PRAMEF12: variants seen among roughly 807,000 people sequenced by gnomAD.
The protein encoded by PRAMEF12 is PRAME family member 12.
In PRAMEF12, 24 loss-of-function variants were observed where a neutral mutation model predicts 24.6. That is an observed-to-expected ratio of 0.98 (90% CI 0.71 to 1.37). PRAMEF12 has a LOEUF of 1.37. Ranked by LOEUF, PRAMEF12 falls within the 40% of genes most tolerant of loss-of-function variation. PRAMEF12 has a pLI of 0.00. For missense variants in PRAMEF12, 646 were observed against 580.3 expected (o/e 1.11, Z -1.16); for synonymous variants, 286 against 242.6 (o/e 1.18, Z -1.66).
chr1:12,775,352 G>A (rs1639033283), intron 1 of PRAMEF12, among the ~76,000 whole-genome samples, 191 bp from the exon 2 acceptor site: 1 of 152,196 alleles, frequency 6.6e-6, no homozygotes, highest in Non-Finnish European at 1.5e-5. Context: ...GAAGGATCAG[G>A]AACCTGCCTC....
Position 12,775,963 on chromosome 1 carries a change from T to A in PRAMEF12, c.708T>A (p.Val236=), listed in dbSNP as rs1639046141. The stretch of plus-strand genomic sequence containing the variant: ...AGATGAGGAATCTCCGCAAACTTGT[T>A]CTCTTCAACATCCATGTCTCTGCCT... The part of the protein sequence containing the change: ...LGQMRNLRKL[V]LFNIHVSACI... Residue 236 remains valine, a synonymous_variant, in exon 2 of 3, where the codon GTT becomes GTA. Coordinates refer to ENST00000357726, the MANE Select transcript of PRAMEF12 (RefSeq NM_001080830.5). 3.7e-6 allele frequency: 6 copies of A among 1,614,074 alleles called. No individual in the cohort carries two copies. The highest frequency in any genetic ancestry group is 5.1e-6 in the Non-Finnish European group (6 of 1,180,002).
chr1:12,776,852 C>T (rs1392189545), intron 2 of PRAMEF12, among the ~76,000 whole-genome samples, 159 bp from the exon 3 acceptor site: 1 of 152,168 alleles, frequency 6.6e-6, no homozygotes, highest in African/African-American at 2.4e-5. Context: ...GACTGAGCCT[C>T]GATTGGGTCT....
At position 12,774,922 on chromosome 1, in the gene PRAMEF12, A is replaced by G. The variant is rs1048711769; in HGVS notation, c.55A>G (p.Arg19Gly). The stretch of plus-strand genomic sequence containing the variant: ...GGAGCTGGCTGAGCAGAGTCTGCTG[A>G]GAGACCGGGCCTTGGCCATCCCCAC... ...LLELAEQSLL[R>G]DRALAIPTLE... is the part of the protein sequence containing the mutation. The change falls in exon 1 of 3, where the codon AGA (arginine) becomes GGA (glycine). Residue 19 changes from arginine to glycine, a missense_variant. Coordinates refer to ENST00000357726, the MANE Select transcript of PRAMEF12 (RefSeq NM_001080830.5). 1.4e-5 allele frequency: 22 copies of G among 1,613,782 alleles called. No individual in the cohort carries two copies. Among genetic ancestry groups the G allele is most frequent in the Non-Finnish European group, 1.9e-5 (22 of 1,179,926 alleles).
intron 2 of PRAMEF12, among the ~76,000 whole-genome samples, chr1:12,776,366 C>A (rs1453432650): frequency 6.6e-6 from 1 of 152,086 alleles, no homozygotes; most frequent in African/African-American, 2.4e-5. Context: ...GAAGGTACTG[C>A]AGGGTTTAGA....
intron 1 of PRAMEF12, 109 bp downstream of exon 1, chr1:12,775,263 G>T: frequency 7.8e-7 from 1 of 1,276,428 alleles, no homozygotes; most frequent in Admixed American, 2.3e-5. Flanking sequence ...TTCTGATGGG[G>T]CTGGGGAGGA....
Position 12,775,748 on chromosome 1 carries a change from T to A in PRAMEF12, c.493T>A (p.Phe165Ile). 1 of 1,613,672 alleles carries A rather than the reference T, an allele frequency of 6.2e-7. No individual in the cohort carries two copies. The highest frequency in any genetic ancestry group is 8.5e-7 in the Non-Finnish European group (1 of 1,179,950). The change falls in exon 2 of 3, where the codon TTC becomes ATC. Residue 165 changes from phenylalanine (F) to isoleucine (I), a missense_variant. Phe to Ile is a conservative substitution (Grantham distance 21). Coordinates refer to ENST00000357726, the MANE Select transcript of PRAMEF12 (RefSeq NM_001080830.5). ...GACGCTGGATGAATGCCTCACCCAC[T>A]TCTTAGAGTGGGGCAAGCAGAGAAA... Reference protein sequence around the residue: ...NGTLDECLTHFLEWGKQRKGL... With the variant: ...NGTLDECLTHILEWGKQRKGL...
chr1:12,774,907 G>A lies in PRAMEF12; in HGVS notation c.40G>A (p.Glu14Lys). ...CCCACCTAGACTCCTGGAGCTGGCT[G>A]AGCAGAGTCTGCTGAGAGACCGGGC... ...QAPPRLLELA[E>K]QSLLRDRALA... The change falls in exon 1 of 3, where the codon GAG becomes AAG. Residue 14 changes from glutamate (E) to lysine (K), a missense_variant. Transcript: ENST00000357726. 1.1e-5 allele frequency: 17 copies of A among 1,613,592 alleles called. No individual in the cohort carries two copies. Among genetic ancestry groups the A allele is most frequent in the Non-Finnish European group, 1.4e-5 (17 of 1,179,710 alleles).
In PRAMEF12 at chr1:12,774,445, C is replaced by G. The variant is rs1639019085; in HGVS notation, c.-423C>G. ...AATAATGGCGCTGATTCCAAGGAGT[C>G]CCTTTAGTCTTCTGCAAGCATGTCA... is the stretch of plus-strand genomic sequence containing the variant. On this transcript the variant is annotated 5_prime_UTR_variant, in exon 1 of 3. Transcript: ENST00000357726. Among the ~76,000 whole-genome samples the G allele has an allele frequency of 6.6e-6, 1 of 152,148 alleles. No individual in the cohort carries two copies. The highest frequency in any genetic ancestry group is 1.5e-5 in the Non-Finnish European group (1 of 68,018).
Position 12,777,470 on chromosome 1 carries a change from G to T in PRAMEF12, c.1323G>T (p.Arg441Ser). 6.2e-7 allele frequency: 1 copy of T among 1,614,106 alleles called. No individual in the cohort carries two copies. Among genetic ancestry groups the T allele is most frequent in the African/African-American group, 1.3e-5 (1 of 75,006 alleles). The change falls in exon 3 of 3, where the codon AGG becomes AGT. Residue 441 changes from arginine to serine, a missense_variant. Transcript: ENST00000357726. Reference protein sequence around the residue: ...QLGAELMKTLRDLRQPKIIVF... With the variant: ...QLGAELMKTLSDLRQPKIIVF... Reference sequence around the variant, plus strand: ...GGGCTGAGCTGATGAAGACACTGAGGGACTTAAGGCAGCCCAAGATAATTG... The same window carrying T: ...GGGCTGAGCTGATGAAGACACTGAGTGACTTAAGGCAGCCCAAGATAATTG...
At chr1:12,776,312 C>A (rs150143719) in intron 2 of PRAMEF12, among the ~76,000 whole-genome samples, 194 bp downstream of exon 2, 2 of 152,092 alleles carry the variant, frequency 1.3e-5, no homozygotes, top group African/African-American at 4.8e-5. Context: ...AATAAGCCAG[C>A]GGGATCTCCT....
chr1:12,775,300 C>T, intron 1 of PRAMEF12, 146 bp downstream of exon 1: 3 of 1,054,036 alleles, frequency 2.8e-6, no homozygotes, highest in Non-Finnish European at 4.2e-6. Flanking sequence ...GGCCATTGTC[C>T]AGCTCCTCTG....
At position 12,777,532 on chromosome 1, in the gene PRAMEF12, G is replaced by A. The variant is rs1424637044; in HGVS notation, c.1385G>A (p.Arg462Lys). The A allele has an allele frequency of 6.2e-7, 1 of 1,614,038 alleles. No individual in the cohort carries two copies. The highest frequency in any genetic ancestry group is 1.3e-5 in the African/African-American group (1 of 74,906). ...GTCCCCTGCCCTCGCTGTGGCATCA[G>A]GGCCTCCTATGACCTGGAGCCCAGT... ...STVPCPRCGIRASYDLEPSHC... is the reference protein window; with the variant it reads ...STVPCPRCGIKASYDLEPSHC... The change falls in exon 3 of 3, where the codon AGG becomes AAG. Residue 462 changes from arginine (R) to lysine (K), a missense_variant. Transcript: ENST00000357726.
intron 2 of PRAMEF12, among the ~76,000 whole-genome samples, chr1:12,776,717 TG>T (rs1281341746): frequency 6.6e-6 from 1 of 152,122 alleles, no homozygotes; most frequent in Non-Finnish European, 1.5e-5. Context: ...TGCCTGGGTT[TG>T]TCATTTATGC....
At chr1:12,776,960 C>G in intron 2 of PRAMEF12, 51 bp from the exon 3 acceptor site, 1 of 1,558,788 alleles carries the variant, frequency 6.4e-7, no homozygotes, top group African/African-American at 1.4e-5. Context: ...CATCTCTCAC[C>G]TTGAGGTCTT....
rs369283541 is a variant in PRAMEF12, at chr1:12,775,545, G to A, written c.290G>A (p.Arg97Gln). 56 of 1,606,320 alleles carry A rather than the reference G, an allele frequency of 3.5e-5. No homozygotes were observed. The highest frequency in any genetic ancestry group is 6.6e-5 in the South Asian group (6 of 90,516). The change falls in exon 2 of 3, where the codon CGG (arginine) becomes CAG (glutamine). Residue 97 changes from arginine (R) to glutamine (Q), a missense_variant and splice_region_variant. Coordinates refer to ENST00000357726, the MANE Select transcript of PRAMEF12 (RefSeq NM_001080830.5). Reference protein sequence around the residue: ...ALLAQKVRPRRWKLQVLDLRN... With the variant: ...ALLAQKVRPRQWKLQVLDLRN... ...CCTCTCTTCTCTTTTACCCACAGGC[G>A]GTGGAAACTTCAAGTGTTGGACTTG...
intron 2 of PRAMEF12, 64 bp downstream of exon 2, chr1:12,776,182 A>G: frequency 6.6e-7 from 1 of 1,506,704 alleles, no homozygotes; most frequent in Non-Finnish European, 9.2e-7. Context: ...TACTGTAAAC[A>G]CCAGGGGGTA....
In PRAMEF12 at chr1:12,777,819, A is replaced by G. The variant is rs553019848; in HGVS notation, c.*220A>G. On this transcript the variant is annotated 3_prime_UTR_variant, in exon 3 of 3. Coordinates refer to ENST00000357726, the MANE Select transcript of PRAMEF12 (RefSeq NM_001080830.5). ...TGGGAATCTGAATTGCTAGAATGAG[A>G]ATCAGGTAGGAGAGACACATGAGAC... 41 of 602,606 alleles carry G rather than the reference A, an allele frequency of 6.8e-5. No homozygotes were observed. The African/African-American group carries it at 7.4e-4, about 11-fold the overall frequency. The allele number at this position is 602,606 out of a possible 1,614,324, so 37.3% of individuals were successfully genotyped here.
At chr1:12,775,287 C>A in intron 1 of PRAMEF12, 133 bp downstream of exon 1, 1 of 1,109,966 alleles carries the variant, frequency 9.0e-7, no homozygotes, top group Non-Finnish European at 1.3e-6. Context: ...TCAGAGAGGC[C>A]TTGGCCATTG....
Position 12,776,836 on chromosome 1 carries a change from G to A in PRAMEF12, c.864-175G>A, listed in dbSNP as rs550974775. Among the ~76,000 whole-genome samples, 60 of 152,288 alleles carry A rather than the reference G, an allele frequency of 3.9e-4. 2 individuals are homozygous for A. The South Asian group carries it at 6.6e-3, about 17-fold the overall frequency. On this transcript the variant is annotated intron_variant, in intron 2 of 2. Coordinates refer to ENST00000357726, the MANE Select transcript of PRAMEF12 (RefSeq NM_001080830.5). ...ACTTGACCCAGTCACCCGAGTGATGGTGAAGGACTGAGCCTCGATTGGGTC... is the reference window on the plus strand; with the variant it reads ...ACTTGACCCAGTCACCCGAGTGATGATGAAGGACTGAGCCTCGATTGGGTC...
Sources: allele counts gnomAD v4.1 joint callset (sites outside exome capture counted in the v4.1 genomes callset), GRCh38; gene constraint gnomAD v4.1.1; transcripts MANE v1.5; gene names NCBI Gene and HGNC (gene_info 2026-07-23, HGNC 2026-07-21).